USH2A: variants seen among roughly 807,000 people sequenced by gnomAD.
USH2A encodes the protein Usher syndrome 2A (autosomal recessive, mild).
In USH2A, 443 loss-of-function variants were observed where a neutral mutation model predicts 538.9. The ratio of observed to expected loss-of-function variants is 0.82; its 90% CI spans 0.76 to 0.89. The LOEUF (loss-of-function observed/expected upper bound fraction) is 0.89. Among genes scored for constraint, USH2A ranks in the 40% least tolerant of loss-of-function variants. The pLI is 0.00. For synonymous variants in USH2A, 2,413 were observed against 2,273.5 expected (o/e 1.06, Z -1.75); for missense variants, 6,633 against 6,324.8 (o/e 1.05, Z -1.65).
At chr1:215,878,665 G>C in intron 42 of USH2A, 99 bp downstream of exon 42, 1 of 1,247,338 alleles carries the variant, frequency 8.0e-7, no homozygotes, top group East Asian at 2.5e-5. Context: ...TGCCAAATTA[G>C]TTCTATGTTC....
chr1:216,159,941 T>C (rs2034023591), intron 21 of USH2A, among the ~76,000 whole-genome samples: 1 of 152,110 alleles, frequency 6.6e-6, no homozygotes, highest in Admixed American at 6.6e-5. Flanking sequence ...ATTGTCAAGG[T>C]TTTAGCGTAG....
At chr1:215,662,923 G>A (rs1657489497) in intron 64 of USH2A, among the ~76,000 whole-genome samples, 1 of 152,192 alleles carries the variant, frequency 6.6e-6, no homozygotes, top group Admixed American at 6.5e-5. Context: ...ATAGAAAAGA[G>A]ATGGGGTAAG....
chr1:215,838,856 C>G (rs1286302240), intron 46 of USH2A, among the ~76,000 whole-genome samples: 1 of 152,106 alleles, frequency 6.6e-6, no homozygotes, highest in African/African-American at 2.4e-5. Flanking sequence ...AAAGGATAAA[C>G]CAAAGAGAAA....
intron 49 of USH2A, among the ~76,000 whole-genome samples, chr1:215,809,291 G>A (rs1662591708): frequency 6.6e-6 from 1 of 152,126 alleles, no homozygotes; most frequent in Non-Finnish European, 1.5e-5. Context: ...TCAGGACAAT[G>A]GTGAGCTTAG....
chr1:215,639,779 C>T (rs770590580), intron 68 of USH2A, among the ~76,000 whole-genome samples: 8 of 152,148 alleles, frequency 5.3e-5, no homozygotes, highest in Non-Finnish European at 1.0e-4. Context: ...AAAGAGCTGC[C>T]CAGGTGACCA....
chr1:216,272,529 T>C (rs2036592498), intron 11 of USH2A, among the ~76,000 whole-genome samples: 1 of 152,154 alleles, frequency 6.6e-6, no homozygotes, highest in African/African-American at 2.4e-5. Context: ...TGAATTGTTC[T>C]TTTTTCCTTT....
chr1:215,825,346 GATCTC>G (rs1663123051), intron 47 of USH2A, among the ~76,000 whole-genome samples: 1 of 152,042 alleles, frequency 6.6e-6, no homozygotes, highest in Non-Finnish European at 1.5e-5. Context: ...ACCCTCCCCA[GATCTC>G]ATCACTTCCA....
chr1:216,216,689 G>C lies in USH2A; in HGVS notation c.3157+698C>G, dbSNP rs1359564614. On this transcript the variant is annotated intron_variant, in intron 15 of 71. Coordinates refer to ENST00000307340, the MANE Select transcript of USH2A (RefSeq NM_206933.4). ...AAAACGGTCAATATGTTATGAAATTGTAGAACTGCAGGTGACCTTGTGAGG... is the reference window on the plus strand; with the variant it reads ...AAAACGGTCAATATGTTATGAAATTCTAGAACTGCAGGTGACCTTGTGAGG... Among the ~76,000 whole-genome samples the C allele has an allele frequency of 2.6e-5, 4 of 152,108 alleles. No individual in the cohort carries two copies. In the South Asian group the frequency reaches 8.3e-4, roughly 31 times the overall value.
At chr1:216,086,920 C>A in intron 23 of USH2A, 100 bp from the exon 24 acceptor site, 10 of 895,402 alleles carry the variant, frequency 1.1e-5, no homozygotes, top group Non-Finnish European at 1.8e-5. Flanking sequence ...GGATACCACT[C>A]TCTTGGTTTT....
intron 14 of USH2A, among the ~76,000 whole-genome samples, chr1:216,224,524 T>C (rs2035524092): frequency 6.6e-6 from 1 of 152,184 alleles, no homozygotes; most frequent in Non-Finnish European, 1.5e-5. Context: ...GCCCCCTTTT[T>C]CTGGTCAGTA....
At chr1:215,853,317 C>G (rs1664070067) in intron 44 of USH2A, among the ~76,000 whole-genome samples, 1 of 152,180 alleles carries the variant, frequency 6.6e-6, no homozygotes, top group Admixed American at 6.5e-5. Context: ...CACTGAGAAA[C>G]AGGGCACCAA....
intron 32 of USH2A, among the ~76,000 whole-genome samples, chr1:216,041,452 T>G (rs1220749109): frequency 6.6e-6 from 1 of 152,106 alleles, no homozygotes; most frequent in East Asian, 1.9e-4. Flanking sequence ...TTACTTTGCT[T>G]GTGCCCCCCA....
intron 5 of USH2A, 34 bp downstream of exon 5, chr1:216,327,557 G>A (rs140596293): frequency 3.3e-5 from 53 of 1,608,686 alleles, no homozygotes; most frequent in East Asian, 6.7e-5. Flanking sequence ...TTATCCTTTC[G>A]GTTCTTGAGG....
At position 216,046,595 on chromosome 1, in the gene USH2A, G is replaced by A. The variant is rs755593389; in HGVS notation, c.6164-3C>T. On this transcript the variant is annotated splice_region_variant and splice_polypyrimidine_tract_variant and intron_variant, in intron 31 of 71. Transcript: ENST00000307340. The stretch of plus-strand genomic sequence containing the variant: ...TGGTGGCTGAACCTCTTGTGGGGCT[G>A]TGGAAGAAAAGATTTATAGAGTCTA... The A allele has an allele frequency of 7.4e-6, 12 of 1,613,602 alleles. No individual in the cohort carries two copies. The highest frequency in any genetic ancestry group is 2.2e-5 in the East Asian group (1 of 44,886).
chr1:216,199,668 G>A lies in USH2A; in HGVS notation c.3770C>T (p.Thr1257Ile). 6.2e-7 allele frequency: 1 copy of A among 1,614,090 alleles called. No homozygotes were observed. The highest frequency in any genetic ancestry group is 8.5e-7 in the Non-Finnish European group (1 of 1,179,988). The change falls in exon 17 of 72, where the codon ACA becomes ATA. Residue 1257 changes from threonine (T) to isoleucine (I), a missense_variant. Thr to Ile is a moderately conservative substitution (Grantham distance 89). Coordinates refer to ENST00000307340, the MANE Select transcript of USH2A (RefSeq NM_206933.4). ...TGGAGACCATTCTACATGAAGTTCT[G>A]TAGAACTGATTTTCTGCATCTTAGG... is the stretch of plus-strand genomic sequence containing the variant. The part of the protein sequence containing the change: ...SPPKMQKISS[T>I]ELHVEWSPPA...
intron 4 of USH2A, among the ~76,000 whole-genome samples, chr1:216,350,827 A>G (rs1285744037): frequency 1.3e-5 from 2 of 152,142 alleles, no homozygotes; most frequent in African/African-American, 4.8e-5. Flanking sequence ...ACAGTTCCAC[A>G]AGGCAATGTC....
chr1:216,110,127 T>C (rs1309148742), intron 21 of USH2A, among the ~76,000 whole-genome samples: 1 of 152,120 alleles, frequency 6.6e-6, no homozygotes, highest in East Asian at 1.9e-4. Flanking sequence ...CAGATATTAA[T>C]CCACGGGTTT....
chr1:216,198,918 T>G (rs1291817254), intron 17 of USH2A, among the ~76,000 whole-genome samples: 1 of 152,206 alleles, frequency 6.6e-6, no homozygotes, highest in Non-Finnish European at 1.5e-5. Context: ...GAATTGATAT[T>G]CACAATTTCT....
chr1:216,048,504 T>C (rs774462007), intron 31 of USH2A, 30 bp downstream of exon 31: 12 of 1,590,670 alleles, frequency 7.5e-6, no homozygotes, highest in Middle Eastern at 3.3e-4. Context: ...GACTGAAATG[T>C]GGAAGTCAAG....
Sources: allele counts gnomAD v4.1 joint callset (sites outside exome capture counted in the v4.1 genomes callset), GRCh38; gene constraint gnomAD v4.1.1; transcripts MANE v1.5; gene names NCBI Gene and HGNC (gene_info 2026-07-23, HGNC 2026-07-21).